The following PARM1 variants were observed in gnomAD, a reference collection of about 807,000 sequenced individuals.
PARM1 encodes the protein prostate androgen-regulated mucin-like protein 1.
PARM1 carries 14 observed loss-of-function variants against 24.6 expected under a neutral mutation model. The ratio of observed to expected loss-of-function variants is 0.57; its 90% CI spans 0.38 to 0.89. The LOEUF is 0.89. PARM1 is among the 40% of genes least tolerant of loss of function. PARM1 has a pLI of 0.00. For synonymous variants in PARM1, 179 were observed against 156.6 expected, an observed-to-expected ratio of 1.14 and a Z score of -1.07; for missense variants, 362 against 380.4, an observed-to-expected ratio of 0.95 and a Z score of 0.40.
intron 3 of PARM1, among the ~76,000 whole-genome samples, chr4:75,038,519 G>C (rs1723414505): frequency 6.6e-6 from 1 of 152,174 alleles, no homozygotes; most frequent in Admixed American, 6.5e-5. Flanking sequence ...AAGGACAGGG[G>C]AGAGAAGGAG....
intron 3 of PARM1, among the ~76,000 whole-genome samples, chr4:75,040,886 C>T (rs1723469933): frequency 1.3e-5 from 2 of 152,202 alleles, no homozygotes; most frequent in South Asian, 4.1e-4. Flanking sequence ...CGGTTATCCA[C>T]ATGGCTCATC....
chr4:75,033,824 G>A, intron 2 of PARM1, 59 bp from the exon 3 acceptor site: 1 of 1,424,876 alleles, frequency 7.0e-7, no homozygotes, highest in Non-Finnish European at 9.6e-7. Context: ...GCACGCCAAA[G>A]TCACATGATG....
intron 2 of PARM1, among the ~76,000 whole-genome samples, chr4:75,021,452 T>C (rs1382314406): frequency 6.6e-6 from 1 of 152,054 alleles, no homozygotes; most frequent in East Asian, 1.9e-4. Flanking sequence ...TTCTTTTTTT[T>C]TTTCCTTCCA....
chr4:74,966,227 C>CA (rs746862681), intron 1 of PARM1, among the ~76,000 whole-genome samples: 9 of 151,708 alleles, frequency 5.9e-5, no homozygotes, highest in Non-Finnish European at 1.2e-4. Context: ...GCTATCATGT[C>CA]AAAAAAAATG....
chr4:74,952,676 A>T (rs543073844), intron 1 of PARM1, among the ~76,000 whole-genome samples: 1 of 152,238 alleles, frequency 6.6e-6, no homozygotes, highest in Non-Finnish European at 1.5e-5. Context: ...CATTAAAAGT[A>T]TCTTCTTCTC....
At chr4:75,027,886 T>C (rs956487201) in intron 2 of PARM1, among the ~76,000 whole-genome samples, 1 of 152,202 alleles carries the variant, frequency 6.6e-6, no homozygotes, top group African/African-American at 2.4e-5. Flanking sequence ...ACCAGAGCTG[T>C]AGGTTTTATT....
At chr4:75,024,722 T>G (rs982338972) in intron 2 of PARM1, among the ~76,000 whole-genome samples, 1 of 152,158 alleles carries the variant, frequency 6.6e-6, no homozygotes, top group Non-Finnish European at 1.5e-5. Flanking sequence ...GAGACTGAAT[T>G]TTGCTCACTC....
intron 1 of PARM1, among the ~76,000 whole-genome samples, chr4:75,006,904 CAACA>C (rs1177548363): frequency 6.6e-6 from 1 of 152,132 alleles, no homozygotes; most frequent in Admixed American, 6.5e-5. Flanking sequence ...AGCTTCTGCA[CAACA>C]AAAGAAACTA....
chr4:75,026,707 C>T (rs536447121), intron 2 of PARM1, among the ~76,000 whole-genome samples: 9 of 152,288 alleles, frequency 5.9e-5, no homozygotes, highest in Non-Finnish European at 1.2e-4. Context: ...ATTTCCATTA[C>T]GCTTTCTTAT....
chr4:74,939,370 T>C (rs1451759379), intron 1 of PARM1, among the ~76,000 whole-genome samples: 1 of 152,200 alleles, frequency 6.6e-6, no homozygotes, highest in African/African-American at 2.4e-5. Flanking sequence ...ATCCATTAAC[T>C]GTGTATTCCT....
chr4:75,035,949 TTTAA>T (rs1268266744), intron 3 of PARM1, among the ~76,000 whole-genome samples: 1 of 152,192 alleles, frequency 6.6e-6, no homozygotes, highest in Non-Finnish European at 1.5e-5. Context: ...TTCCATCTGG[TTTAA>T]TTATTAGTTT....
At chr4:75,033,318 C>A (rs17000109) in intron 2 of PARM1, among the ~76,000 whole-genome samples, 3 of 152,008 alleles carry the variant, frequency 2.0e-5, no homozygotes, top group Non-Finnish European at 4.4e-5. Flanking sequence ...AAAATGCTTT[C>A]ACTTGATTGC....
intron 1 of PARM1, among the ~76,000 whole-genome samples, chr4:74,990,437 T>C (rs569859004): frequency 1.3e-5 from 2 of 152,194 alleles, no homozygotes; most frequent in East Asian, 3.9e-4. Flanking sequence ...AAATAGGGAT[T>C]AGTGAGCTCC....
At chr4:74,976,727 A>G (rs969662101) in intron 1 of PARM1, among the ~76,000 whole-genome samples, 2 of 152,200 alleles carry the variant, frequency 1.3e-5, no homozygotes, top group Non-Finnish European at 2.9e-5. Context: ...CTTCTGTGAC[A>G]GGGTTCCAAG....
Position 75,033,967 on chromosome 4 carries a change from A to G in PARM1, c.848+6A>G. On this transcript the variant is annotated splice_donor_region_variant and intron_variant, in intron 3 of 3. Transcript: ENST00000307428. ...GCAGCCTACCTAAAAATCAGGTGAG[A>G]CGCAGCTTACTCTTAAAAAAAAGGG... 6.3e-7 allele frequency: 1 copy of G among 1,589,084 alleles called. No homozygotes were observed. Among genetic ancestry groups the G allele is most frequent in the African/African-American group, 1.3e-5 (1 of 74,570 alleles).
intron 1 of PARM1, among the ~76,000 whole-genome samples, chr4:74,992,305 A>G (rs1722493773): frequency 6.6e-6 from 1 of 152,200 alleles, no homozygotes; most frequent in Non-Finnish European, 1.5e-5. Flanking sequence ...CGTTTTCAAA[A>G]TAAAACGAAG....
chr4:74,974,109 C>T (rs1448010506), intron 1 of PARM1, among the ~76,000 whole-genome samples: 1 of 152,140 alleles, frequency 6.6e-6, no homozygotes, highest in African/African-American at 2.4e-5. Flanking sequence ...CACATTATGC[C>T]ATGAGGCAGA....
rs1388017904 is a variant in PARM1, at chr4:74,952,282, GTTGT to G, written c.43+18915_43+18918del. ...TATACTTTGCCCGCTTTTTAATGGGGTTGTTTATTTTTTTCTTGTAAATTTGATT... is the reference window on the plus strand; with the variant it reads ...TATACTTTGCCCGCTTTTTAATGGGGTTATTTTTTTCTTGTAAATTTGATT... On this transcript the variant is annotated intron_variant, in intron 1 of 3. Transcript: ENST00000307428. Among the ~76,000 whole-genome samples, 11 of 152,202 alleles carry G rather than the reference GTTGT, an allele frequency of 7.2e-5. No homozygotes were observed. In the South Asian group the frequency reaches 1.2e-3, roughly 17 times the overall value.
intron 1 of PARM1, among the ~76,000 whole-genome samples, chr4:74,936,456 T>TTTG (rs1560768652): frequency 2.0e-4 from 29 of 144,498 alleles, no homozygotes; most frequent in Middle Eastern, 3.5e-3. Context: ...TTTGTTTGTT[T>TTTG]TTTTGTTTTT....
Sources: allele counts gnomAD v4.1 joint callset (sites outside exome capture counted in the v4.1 genomes callset), GRCh38; gene constraint gnomAD v4.1.1; transcripts MANE v1.5; gene names NCBI Gene and HGNC (gene_info 2026-07-23, HGNC 2026-07-21).